NCKAP5: variants seen among roughly 807,000 people sequenced by gnomAD.
The protein encoded by NCKAP5 is NCK associated protein 5, also known as nck-associated protein 5.
In NCKAP5, 92 loss-of-function variants were observed where a neutral mutation model predicts 167.0. The observed-to-expected ratio is 0.55, with a 90% CI of 0.47 to 0.66. The LOEUF (loss-of-function observed/expected upper bound fraction) is 0.66. NCKAP5 is among the 30% of genes least tolerant of loss of function. The pLI is 0.00. For synonymous variants in NCKAP5, 891 were observed against 877.4 expected (o/e 1.02, Z -0.27); for missense variants, 2,378 against 2,315.0 (o/e 1.03, Z -0.56).
the NCKAP5 span, among the ~76,000 whole-genome samples, chr2:133,582,173 T>A: frequency 1.3e-5 from 2 of 152,168 alleles, no homozygotes; most frequent in African/African-American, 4.8e-5. Flanking sequence ...CAGTGGTTTT[T>A]AAAGTGTGGT....
At chr2:133,575,056 G>A in the NCKAP5 span, among the ~76,000 whole-genome samples, 572 of 152,248 alleles carry the variant, frequency 3.8e-3, 6 homozygotes, top group African/African-American at 0.013. Context: ...TCTTTCTCCC[G>A]GGAAAAATTG....
intron 4 of NCKAP5, among the ~76,000 whole-genome samples, chr2:133,285,565 T>C (rs1033243974): frequency 2.0e-5 from 3 of 152,176 alleles, no homozygotes; most frequent in Admixed American, 6.5e-5. Context: ...ACAGAGGGGA[T>C]AGTGGAATTG....
chr2:133,147,529 T>C (rs1050106091), intron 5 of NCKAP5, among the ~76,000 whole-genome samples: 1 of 152,120 alleles, frequency 6.6e-6, no homozygotes, highest in African/African-American at 2.4e-5. Context: ...TCACTGATAG[T>C]GTTCAAGAGA....
chr2:133,091,855 C>G (rs532757356), intron 6 of NCKAP5, among the ~76,000 whole-genome samples: 13 of 152,210 alleles, frequency 8.5e-5, no homozygotes, highest in African/African-American at 2.9e-4. Context: ...CCACTGCACT[C>G]CAGCCTGGGT....
At chr2:133,306,653 A>G (rs1390493271) in intron 3 of NCKAP5, among the ~76,000 whole-genome samples, 3 of 152,250 alleles carry the variant, frequency 2.0e-5, no homozygotes, top group Non-Finnish European at 4.4e-5. Context: ...TCAGGGCAAC[A>G]TACACCTTAC....
chr2:133,239,890 T>C (rs116297309), intron 4 of NCKAP5, among the ~76,000 whole-genome samples: 3,593 of 152,340 alleles, frequency 0.024, 137 homozygotes, highest in African/African-American at 0.081. Context: ...TTGGTTTCCA[T>C]GCTTTAGCTT....
chr2:133,055,786 T>C (rs557626213), intron 6 of NCKAP5, among the ~76,000 whole-genome samples: 2 of 152,290 alleles, frequency 1.3e-5, no homozygotes, highest in African/African-American at 4.8e-5. Context: ...CTCCCAGCAA[T>C]GGCACCTGTC....
At chr2:132,929,977 G>C (rs1696237351) in intron 8 of NCKAP5, 1 of 152,128 alleles carries the variant, frequency 6.6e-6, no homozygotes, top group Non-Finnish European at 1.5e-5. Flanking sequence ...TAATCTGCTG[G>C]TTTTTAAACT....
intron 5 of NCKAP5, among the ~76,000 whole-genome samples, chr2:133,149,656 AATAC>A (rs2083315640): frequency 6.6e-6 from 1 of 152,148 alleles, no homozygotes; most frequent in African/African-American, 2.4e-5. Context: ...TCTTAATCCT[AATAC>A]ATCACACTGC....
intron 3 of NCKAP5, among the ~76,000 whole-genome samples, chr2:133,432,647 A>G (rs943297803): frequency 6.6e-6 from 1 of 152,140 alleles, no homozygotes. Context: ...TGCTCATTTC[A>G]CTACTCTAAT....
At chr2:132,876,912 T>C (rs1192938129) in intron 9 of NCKAP5, among the ~76,000 whole-genome samples, 1 of 152,276 alleles carries the variant, frequency 6.6e-6, no homozygotes, top group Admixed American at 6.5e-5. Flanking sequence ...AATGTGAGTG[T>C]TTTGATTGAC....
intron 1 of NCKAP5, among the ~76,000 whole-genome samples, chr2:133,561,973 AC>A (rs953886580): frequency 6.6e-6 from 1 of 152,168 alleles, no homozygotes; most frequent in Non-Finnish European, 1.5e-5. Context: ...TGTAATCAAA[AC>A]AAAAATAAGC....
chr2:133,622,044 T>C, the NCKAP5 span, among the ~76,000 whole-genome samples: 65 of 152,112 alleles, frequency 4.3e-4, no homozygotes, highest in Non-Finnish European at 6.3e-4. Flanking sequence ...CATATGATCA[T>C]CTCAATAGAC....
the NCKAP5 span, among the ~76,000 whole-genome samples, chr2:133,614,459 C>T: frequency 1.3e-5 from 2 of 152,008 alleles, no homozygotes; most frequent in East Asian, 1.9e-4. Flanking sequence ...CTTAAAGGAG[C>T]TGATGGAGCT....
intron 4 of NCKAP5, among the ~76,000 whole-genome samples, chr2:133,248,779 A>C (rs2150327308): frequency 6.6e-6 from 1 of 152,240 alleles, no homozygotes; most frequent in Admixed American, 6.5e-5. Context: ...CACATGTCTA[A>C]CCCTTGACTG....
the NCKAP5 span, among the ~76,000 whole-genome samples, chr2:133,588,423 CTTCCTTCCCTAA>C: frequency 3.0e-5 from 4 of 131,870 alleles, no homozygotes; most frequent in Non-Finnish European, 4.9e-5. Context: ...CCCACCCTTC[CTTCCTTCCCTAA>C]TTCCTTCCCT....
intron 11 of NCKAP5, among the ~76,000 whole-genome samples, chr2:132,837,029 T>C (rs1687940027): frequency 6.6e-6 from 1 of 152,250 alleles, no homozygotes; most frequent in Non-Finnish European, 1.5e-5. Flanking sequence ...TCCCCATGCT[T>C]AATTAACATT....
At chr2:133,217,914 G>A (rs919545775) in intron 4 of NCKAP5, among the ~76,000 whole-genome samples, 3 of 152,004 alleles carry the variant, frequency 2.0e-5, no homozygotes, top group Admixed American at 6.6e-5. Context: ...CTAAAATTAC[G>A]AAAAGTACAA....
the NCKAP5 span, among the ~76,000 whole-genome samples, chr2:133,669,394 G>A: frequency 6.6e-6 from 1 of 152,028 alleles, no homozygotes; most frequent in African/African-American, 2.4e-5. Context: ...CACCATTTCA[G>A]TAGTACTTCT....
Sources: allele counts gnomAD v4.1 joint callset (sites outside exome capture counted in the v4.1 genomes callset), GRCh38; gene constraint gnomAD v4.1.1; transcripts MANE v1.5; gene names NCBI Gene and HGNC (gene_info 2026-07-23, HGNC 2026-07-21).